The following THBS2 variants were observed in gnomAD, a reference collection of about 807,000 sequenced individuals.
THBS2 encodes the protein thrombospondin-2.
THBS2 carries 47 observed loss-of-function variants against 135.2 expected under a neutral mutation model. The ratio of observed to expected loss-of-function variants is 0.35; its 90% confidence interval spans 0.28 to 0.44. The LOEUF (loss-of-function observed/expected upper bound fraction) is 0.44. THBS2 is among the 20% of genes least tolerant of loss of function. The probability of loss-of-function intolerance (pLI) is 1.00; values close to 1 mark genes in which losing one functional copy is unlikely to be tolerated. For missense variants in THBS2, 1,288 were observed against 1,603.1 expected (o/e 0.80, Z 3.36); for synonymous variants, 639 against 633.8 (o/e 1.01, Z -0.12).
intron 4 of THBS2, among the ~76,000 whole-genome samples, 161 bp from the exon 5 acceptor site, chr6:169,242,119 G>T (rs1370274355): frequency 6.6e-6 from 1 of 152,148 alleles, no homozygotes; most frequent in Non-Finnish European, 1.5e-5. Flanking sequence ...AGGACCACAG[G>T]GAGGACCATC....
chr6:169,234,699 G>A (rs574880055), intron 10 of THBS2, 35 bp downstream of exon 10: 51 of 1,460,018 alleles, frequency 3.5e-5, no homozygotes, highest in East Asian at 7.8e-5. Context: ...ATGGAAGCCC[G>A]GGTTTCAGTG....
chr6:169,229,471 T>C (rs998481921), intron 14 of THBS2, 101 bp downstream of exon 14: 3 of 870,752 alleles, frequency 3.4e-6, no homozygotes, highest in Non-Finnish European at 5.6e-6. Flanking sequence ...TGCAGGACAA[T>C]GGCAGTTACG....
At chr6:169,247,008 C>G (rs1295091009) in intron 3 of THBS2, among the ~76,000 whole-genome samples, 1 of 152,164 alleles carries the variant, frequency 6.6e-6, no homozygotes, top group African/African-American at 2.4e-5. Flanking sequence ...AGCCCTTTCC[C>G]TTGGAAAAGG....
rs1275949247 is a variant in THBS2 at position 169,241,300 on chromosome 6, C to A, written c.891+462G>T. On this transcript the variant is annotated intron_variant, in intron 5 of 21. Coordinates refer to ENST00000617924, the MANE Select transcript of THBS2 (RefSeq NM_003247.5). The surrounding 1 kb of genome is among the most constrained non-coding windows in gnomAD (Gnocchi z 5.5). ...CTCTTCCTGGCCGCGCTGTGCCGCT[C>A]AAACCCATTTCACTCCTGCCAGCCT... Among the ~76,000 whole-genome samples, 1 of 152,290 alleles carries A rather than the reference C, an allele frequency of 6.6e-6. No homozygotes were observed. The highest frequency in any genetic ancestry group is 2.1e-4 in the South Asian group (1 of 4,824).
Position 169,241,372 on chromosome 6 carries a change from C to T in THBS2, c.891+390G>A, listed in dbSNP as rs1183655801. On this transcript the variant is annotated intron_variant, in intron 5 of 21. Transcript: ENST00000617924. The surrounding 1 kb of genome is among the most constrained non-coding windows in gnomAD (Gnocchi z 5.5). ...CTCTTCAGCTATGCCAACATGCAGT[C>T]CTTGAAATAAAATTATTTTCCTCTG... Among the ~76,000 whole-genome samples the T allele has an allele frequency of 6.6e-6, 1 of 151,966 alleles. No individual in the cohort carries two copies. The highest frequency in any genetic ancestry group is 1.5e-5 in the Non-Finnish European group (1 of 68,012).
intron 17 of THBS2, among the ~76,000 whole-genome samples, chr6:169,224,082 C>T (rs1362513096): frequency 3.3e-5 from 5 of 152,138 alleles, no homozygotes; most frequent in Admixed American, 1.3e-4. Context: ...ACGGCGATGA[C>T]GATAACCTGA....
In THBS2 at chr6:169,240,474, C is replaced by T. The variant is rs375995747; in HGVS notation, c.1010G>A (p.Ser337Asn). The change falls in exon 6 of 22, where the codon AGC becomes AAC. Residue 337 changes from serine (S) to asparagine (N), a missense_variant. Physicochemically the swap from Ser to Asn is conservative, Grantham distance 46. Coordinates refer to ENST00000617924, the MANE Select transcript of THBS2 (RefSeq NM_003247.5). ...FAENETWVVD[S>N]CTTCTCKKFK... Reference sequence around the variant, plus strand: ...CACCTTGCAGGTACACGTGGTGCAGCTGTCCACCACCCACGTTTCATTTTC... The same window carrying T: ...CACCTTGCAGGTACACGTGGTGCAGTTGTCCACCACCCACGTTTCATTTTC... 2 of 1,613,686 alleles carry T rather than the reference C, an allele frequency of 1.2e-6. No homozygotes were observed. Among genetic ancestry groups the T allele is most frequent in the Non-Finnish European group, 1.7e-6 (2 of 1,180,004 alleles).
Position 169,239,704 on chromosome 6 carries a change from G to T in THBS2, c.1033-9C>A, listed in dbSNP as rs755261848. 6.3e-7 allele frequency: 1 copy of T among 1,581,406 alleles called. No individual in the cohort carries two copies. Among genetic ancestry groups the T allele is most frequent in the East Asian group, 2.3e-5 (1 of 44,146 alleles). ...CAAATGGTTTTAAATTTCTACAAGT[G>T]AAGAAAGGCATGCATGGAACACTCA... On this transcript the variant is annotated splice_polypyrimidine_tract_variant and intron_variant, in intron 6 of 21. Coordinates refer to ENST00000617924, the MANE Select transcript of THBS2 (RefSeq NM_003247.5).
intron 4 of THBS2, 127 bp downstream of exon 4, chr6:169,246,070 C>A: frequency 3.0e-6 from 2 of 665,902 alleles, no homozygotes; most frequent in Non-Finnish European, 2.5e-6. Context: ...GTGGTAGTTA[C>A]CCAAATATTT....
In THBS2 at chr6:169,234,925, CA is replaced by C. The variant is rs55916292; in HGVS notation, c.1478-19del. ...GCCATCGACTGCGGGGAAAGCCAAC[CA>C]GGGGGAGCTCAGAGCAAGACCCGGG... On this transcript the variant is annotated intron_variant, in intron 9 of 21. Coordinates refer to ENST00000617924, the MANE Select transcript of THBS2 (RefSeq NM_003247.5). 574,462 of 1,594,218 alleles carry C rather than the reference CA, an allele frequency of 0.36. 106,897 individuals carry two copies. Among genetic ancestry groups the C allele is most frequent in the East Asian group, 0.54 (23,773 of 44,422 alleles).
At chr6:169,243,739 C>T (rs572314067) in intron 4 of THBS2, among the ~76,000 whole-genome samples, 3 of 152,128 alleles carry the variant, frequency 2.0e-5, no homozygotes, top group Non-Finnish European at 4.4e-5. Flanking sequence ...AACAAAAGAC[C>T]GCATATATCT....
chr6:169,251,515 G>A (rs1398177634), intron 1 of THBS2, among the ~76,000 whole-genome samples: 1 of 152,150 alleles, frequency 6.6e-6, no homozygotes, highest in African/African-American at 2.4e-5. Flanking sequence ...GCCCGGCTGG[G>A]CGATTAACCC....
rs1476507089 is a variant in THBS2 at position 169,248,760 on chromosome 6, T to C, written c.266A>G (p.Gln89Arg). 6.2e-7 allele frequency: 1 copy of C among 1,612,946 alleles called. No homozygotes were observed. Among genetic ancestry groups the C allele is most frequent in the South Asian group, 1.1e-5 (1 of 91,060 alleles). Residue 89 changes from glutamine to arginine, a missense_variant, in exon 3 of 22, where the codon CAG becomes CGG. Physicochemically the swap from Gln to Arg is conservative, Grantham distance 43 (BLOSUM62 1). Around this residue, in one of 2 missense-constraint regions of THBS2, gnomAD observed 414 missense variants for 447.0 expected, o/e 0.93. Transcript: ENST00000617924. ...CCTGGACTTGCCGTCCTGCTTGAGC[T>C]GGGCCGTGAGGAAGAAGCCCTCCTT... The part of the protein sequence containing the change: ...RQKEGFFLTA[Q>R]LKQDGKSRGT...
At chr6:169,237,564 G>A in intron 8 of THBS2, 61 bp downstream of exon 8, 2 of 1,602,800 alleles carry the variant, frequency 1.2e-6, no homozygotes, top group Non-Finnish European at 1.7e-6. Flanking sequence ...AGGTCCCGAT[G>A]ACTGAGAGAA....
At chr6:169,239,340 T>G in intron 7 of THBS2, 1 of 524,112 alleles carries the variant, frequency 1.9e-6, no homozygotes, top group Non-Finnish European at 3.4e-6. Context: ...GCGTGACCAC[T>G]GGGCTCAGCT....
chr6:169,233,884 A>G (rs1779941476), intron 10 of THBS2, among the ~76,000 whole-genome samples: 1 of 146,440 alleles, frequency 6.8e-6, no homozygotes, highest in Admixed American at 6.8e-5. Context: ...AACTACCTAC[A>G]TGCCACATTC....
chr6:169,236,511 ACAC>A (rs1780084196), intron 9 of THBS2, among the ~76,000 whole-genome samples: 1 of 113,984 alleles, frequency 8.8e-6, no homozygotes. Flanking sequence ...ACTCCCATCT[ACAC>A]TCACTCCCCA....
Position 169,237,268 on chromosome 6 carries a change from C to T in THBS2, c.1379G>A (p.Arg460His), listed in dbSNP as rs201885587. The change falls in exon 9 of 22, where the codon CGC (arginine) becomes CAC (histidine). Residue 460 changes from arginine (R) to histidine (H), a missense_variant. Around this residue, in one of 2 missense-constraint regions of THBS2, gnomAD observed 874 missense variants for 1,156.1 expected, o/e 0.76. Transcript: ENST00000617924. ...CACTGGGGAGTTGCAGAGACGGATG[C>T]GTGTGATATTGCCAACTCCACAGGT... ...SVTCGVGNIT[R>H]IRLCNSPVPQ... 103 of 1,613,470 alleles carry T rather than the reference C, an allele frequency of 6.4e-5. No homozygotes were observed. Among genetic ancestry groups the T allele is most frequent in the Middle Eastern group, 3.3e-4 (2 of 6,062 alleles).
Position 169,248,714 on chromosome 6 carries a change from C to T in THBS2, c.312G>A (p.Glu104=), listed in dbSNP as rs762953386. ...GKSRGTLLAL[E]GPGLSQRQFE... ...ACTGCCTCTGGGAGAGACCGGGGCC[C>T]TCCAGAGCCAACAGCGTGCCCCTGG... Residue 104 remains glutamate, a synonymous_variant, in exon 3 of 22, where the codon GAG becomes GAA. Transcript: ENST00000617924. 1 of 1,613,882 alleles carries T rather than the reference C, an allele frequency of 6.2e-7. No individual in the cohort carries two copies. Among genetic ancestry groups the T allele is most frequent in the Non-Finnish European group, 8.5e-7 (1 of 1,180,010 alleles).
Sources: gnomAD v4.1 joint callset for allele counts (sites outside exome capture counted in the v4.1 genomes callset) on GRCh38, gnomAD v4.1.1 for gene constraint, gnomAD v4.1.1 regional missense constraint, Gnocchi (gnomAD v3.1) non-coding constraint, MANE v1.5 for transcripts, NCBI Gene and HGNC (gene_info 2026-07-23, HGNC 2026-07-21) for gene names.